Variants in CTNND2 observed in about 807,000 individuals in gnomAD.
CTNND2 encodes the protein catenin delta 2.
A neutral mutation model predicts 144.4 loss-of-function variants in CTNND2; 22 were observed. That is an observed-to-expected ratio of 0.15 (90% CI 0.11 to 0.22). CTNND2 has a LOEUF of 0.22. Ranked by LOEUF, CTNND2 falls within the 10% of genes least tolerant of loss-of-function variation. CTNND2 has a pLI of 1.00. For synonymous variants in CTNND2, 751 were observed against 695.6 expected, an observed-to-expected ratio of 1.08 and a Z score of -1.25; for missense variants, 1,353 against 1,618.8, an observed-to-expected ratio of 0.84 and a Z score of 2.82.
Position 11,774,551 on chromosome 5 carries a change from AAAAAAAAATT to A in CTNND2, c.38-42289_38-42280del, listed in dbSNP as rs888239131. On this transcript the variant is annotated intron_variant, in intron 1 of 21. Coordinates refer to ENST00000304623, the MANE Select transcript of CTNND2 (RefSeq NM_001332.4). ...TGTACCCTAAAACTTAAAGTATAAT[AAAAAAAAATT>A]AAAAAAAAAAACAATGATGGCTTTA... 1.2e-4 allele frequency among the ~76,000 whole-genome samples: 4 copies of A among 33,380 alleles called. 1 individual carries two copies. The highest frequency in any genetic ancestry group is 1.5e-3 in the Admixed American group (2 of 1,350). The allele number at this position is 33,380 out of a possible 152,430, so 21.9% of individuals were successfully genotyped here. A position where few individuals can be genotyped will look rare whatever the true frequency, so the allele number is the denominator to read the frequency against.
Position 11,748,284 on chromosome 5 carries a change from T to G in CTNND2, c.38-16012A>C, listed in dbSNP as rs182623701. ...TAACAAATTTTGAAATTTTAAGTGA[T>G]ATAACCTGCCTATTACAACACATGA... On this transcript the variant is annotated intron_variant, in intron 1 of 21. Coordinates refer to ENST00000304623, the MANE Select transcript of CTNND2 (RefSeq NM_001332.4). Among the ~76,000 whole-genome samples, 21 of 152,216 alleles carry G rather than the reference T, an allele frequency of 1.4e-4. 1 individual carries two copies. The East Asian group carries it at 3.9e-3, about 28-fold the overall frequency.
chr5:11,611,444 G>A (rs901177947), intron 2 of CTNND2, among the ~76,000 whole-genome samples: 6 of 152,154 alleles, frequency 3.9e-5, no homozygotes, highest in Non-Finnish European at 7.3e-5. Flanking sequence ...ACTTAATCAC[G>A]AAGTCTACAT....
intron 1 of CTNND2, among the ~76,000 whole-genome samples, chr5:11,741,802 T>C (rs1174485591): frequency 2.0e-5 from 3 of 148,172 alleles, no homozygotes. Context: ...TACATGTATA[T>C]ATTACATAGT....
intron 10 of CTNND2, among the ~76,000 whole-genome samples, chr5:11,234,570 T>G (rs154718): frequency 2.0e-5 from 3 of 152,110 alleles, no homozygotes; most frequent in Non-Finnish European, 4.4e-5. Context: ...TTCACCACAG[T>G]GCACTGGGGG....
intron 6 of CTNND2, among the ~76,000 whole-genome samples, chr5:11,390,095 C>T (rs184076675): frequency 1.3e-5 from 2 of 152,294 alleles, no homozygotes; most frequent in Admixed American, 1.3e-4. Flanking sequence ...CTGTCTACAC[C>T]ATGTACAAAT....
chr5:11,313,732 A>G (rs1751220943), intron 9 of CTNND2, among the ~76,000 whole-genome samples: 1 of 152,204 alleles, frequency 6.6e-6, no homozygotes, highest in South Asian at 2.1e-4. Flanking sequence ...GGTAATTGCA[A>G]AGAAATAGCT....
chr5:11,852,797 T>C (rs781150295), intron 1 of CTNND2, among the ~76,000 whole-genome samples: 5 of 152,142 alleles, frequency 3.3e-5, no homozygotes, highest in Non-Finnish European at 4.4e-5. Context: ...GAAGACCCAA[T>C]TAATTATTCA....
intron 19 of CTNND2, among the ~76,000 whole-genome samples, chr5:10,989,702 C>T (rs1738445628): frequency 6.6e-6 from 1 of 152,186 alleles, no homozygotes; most frequent in Admixed American, 6.5e-5. Flanking sequence ...GTACAAATTC[C>T]TGTGCTAGCC....
At chr5:11,861,267 C>A (rs561263622) in intron 1 of CTNND2, among the ~76,000 whole-genome samples, 1 of 152,306 alleles carries the variant, frequency 6.6e-6, no homozygotes, top group South Asian at 2.1e-4. Context: ...TCCACTCAGA[C>A]ATCTGATAAA....
intron 9 of CTNND2, among the ~76,000 whole-genome samples, chr5:11,263,501 G>A (rs1580741978): frequency 6.6e-6 from 1 of 152,010 alleles, no homozygotes; most frequent in African/African-American, 2.4e-5. Context: ...ATGTGTGTGT[G>A]CATGTATGTG....
chr5:11,376,470 A>G (rs1757958858), intron 7 of CTNND2, among the ~76,000 whole-genome samples: 1 of 152,110 alleles, frequency 6.6e-6, no homozygotes, highest in African/African-American at 2.4e-5. Context: ...ATAATTTATC[A>G]TATTTGAGAA....
chr5:11,857,417 G>C (rs962992827), intron 1 of CTNND2, among the ~76,000 whole-genome samples: 6 of 152,148 alleles, frequency 3.9e-5, no homozygotes, highest in Admixed American at 2.6e-4. Flanking sequence ...AGTCAATGAG[G>C]GTGTGTCAGC....
intron 20 of CTNND2, among the ~76,000 whole-genome samples, chr5:10,987,142 C>T (rs1461897890): frequency 2.0e-5 from 3 of 152,198 alleles, no homozygotes; most frequent in Non-Finnish European, 4.4e-5. Flanking sequence ...GTTGAAAGGT[C>T]CTCAGGGCTC....
chr5:11,252,549 A>C, intron 9 of CTNND2, among the ~76,000 whole-genome samples: 1 of 152,242 alleles, frequency 6.6e-6, no homozygotes, highest in East Asian at 1.9e-4. Flanking sequence ...TGTGTTGCTA[A>C]GAACTGCTCT....
intron 2 of CTNND2, among the ~76,000 whole-genome samples, chr5:11,723,537 A>G (rs546247691): frequency 5.9e-4 from 90 of 152,320 alleles, no homozygotes; most frequent in Middle Eastern, 3.4e-3. Flanking sequence ...CCTGCACCAT[A>G]AAAGTGACTA....
intron 9 of CTNND2, among the ~76,000 whole-genome samples, chr5:11,297,929 G>A (rs952339143): frequency 6.6e-6 from 1 of 152,182 alleles, no homozygotes; most frequent in Non-Finnish European, 1.5e-5. Flanking sequence ...TAATGTTAAA[G>A]TAAAAATTAG....
intron 2 of CTNND2, among the ~76,000 whole-genome samples, chr5:11,570,358 C>T (rs1279060406): frequency 1.3e-5 from 2 of 152,164 alleles, no homozygotes; most frequent in South Asian, 2.1e-4. Context: ...CTTCTTCATT[C>T]TCCTACTTTA....
At chr5:11,820,504 A>C (rs1698622063) in intron 1 of CTNND2, among the ~76,000 whole-genome samples, 1 of 152,298 alleles carries the variant, frequency 6.6e-6, no homozygotes. Context: ...TGCAGAGTTA[A>C]CTCTATGGTG....
rs958700629 is a variant in CTNND2 at position 11,169,027 on chromosome 5, G to A, written c.1976-9268C>T. Among the ~76,000 whole-genome samples the A allele has an allele frequency of 2.6e-5, 4 of 152,054 alleles. No individual in the cohort carries two copies. In the East Asian group the frequency reaches 5.8e-4, roughly 22 times the overall value. On this transcript the variant is annotated intron_variant, in intron 11 of 21. Transcript: ENST00000304623. ...TAAGTGCTTGCTCTAGGAAACACTCGCCTGTGAATGTTTAGGCTGTGAACT... is the reference window on the plus strand; with the variant it reads ...TAAGTGCTTGCTCTAGGAAACACTCACCTGTGAATGTTTAGGCTGTGAACT...
Sources: gnomAD v4.1 joint callset for allele counts (sites outside exome capture counted in the v4.1 genomes callset) on GRCh38, gnomAD v4.1.1 for gene constraint, MANE v1.5 for transcripts, NCBI Gene and HGNC (gene_info 2026-07-23, HGNC 2026-07-21) for gene names.